CEP83: variants seen among roughly 807,000 people sequenced by gnomAD.
CEP83 encodes centrosomal protein 83.
In CEP83, 70 loss-of-function variants were observed where a neutral mutation model predicts 101.9. That is an observed-to-expected ratio of 0.69 (90% confidence interval 0.57 to 0.84). The LOEUF is 0.84. CEP83 is among the 40% of genes least tolerant of loss of function. CEP83 has a pLI of 0.00. For synonymous variants in CEP83, 264 were observed against 267.9 expected (o/e 0.99, Z 0.14); for missense variants, 715 against 787.2 (o/e 0.91, Z 1.10).
downstream of CEP83, chr12:94,305,416 G>C (rs575788817): frequency 4.8e-5 from 30 of 620,676 alleles, no homozygotes; most frequent in Non-Finnish European, 8.4e-5. Flanking sequence ...GTCTTTTTAA[G>C]AGACCAAGGC....
chr12:94,384,555 C>T (rs1161818741), intron 6 of CEP83, among the ~76,000 whole-genome samples: 1 of 152,132 alleles, frequency 6.6e-6, no homozygotes, highest in African/African-American at 2.4e-5. Flanking sequence ...TATAGTCCTA[C>T]AGGATACTGA....
chr12:94,333,770 C>T, intron 12 of CEP83, 131 bp from the exon 13 acceptor site: 1 of 750,296 alleles, frequency 1.3e-6, no homozygotes, highest in Non-Finnish European at 2.1e-6. Flanking sequence ...GGAGATGACC[C>T]CTAAAGGAAA....
chr12:94,444,348 A>C (rs2066641909), intron 1 of CEP83, among the ~76,000 whole-genome samples: 1 of 152,248 alleles, frequency 6.6e-6, no homozygotes, highest in Non-Finnish European at 1.5e-5. Flanking sequence ...CAGTGAGCCG[A>C]GATCAGGCCA....
intron 11 of CEP83, among the ~76,000 whole-genome samples, chr12:94,343,591 G>A (rs1256156296): frequency 1.4e-5 from 2 of 139,042 alleles, no homozygotes; most frequent in Non-Finnish European, 1.5e-5. Context: ...CCGGGTTCAC[G>A]CCATTCTCCT....
the CEP83 span, among the ~76,000 whole-genome samples, chr12:94,290,609 C>A: frequency 5.3e-5 from 8 of 152,236 alleles, no homozygotes; most frequent in Admixed American, 4.6e-4. Context: ...GTTTGAGGAC[C>A]TCTTGAGGGC....
intron 2 of CEP83, among the ~76,000 whole-genome samples, chr12:94,432,068 T>C (rs1327294605): frequency 6.6e-6 from 1 of 151,970 alleles, no homozygotes; most frequent in Non-Finnish European, 1.5e-5. Flanking sequence ...CTTTTTTTTT[T>C]TTTTGAGACG....
At chr12:94,279,720 GTCCCCCCTCCCTGC>G in the CEP83 span, 19 of 1,314,924 alleles carry the variant, frequency 1.4e-5, no homozygotes, top group Non-Finnish European at 2.0e-5. Flanking sequence ...CTCCCTCCCT[GTCCCCCCTCCCTGC>G]CCCCACCAGC....
At chr12:94,298,675 G>C in the CEP83 span, 2 of 1,609,652 alleles carry the variant, frequency 1.2e-6, 1 homozygote, top group African/African-American at 2.7e-5. Flanking sequence ...AGAAGCATTT[G>C]GAGTTTACCC....
At chr12:94,434,481 G>A (rs574361491) in intron 2 of CEP83, among the ~76,000 whole-genome samples, 1 of 152,210 alleles carries the variant, frequency 6.6e-6, no homozygotes, top group East Asian at 1.9e-4. Flanking sequence ...TAGAAAATAG[G>A]AAAGCTCAAA....
rs144629501 is a variant in CEP83, at chr12:94,340,378, C to T, written c.1344-4714G>A. 8.0e-4 allele frequency among the ~76,000 whole-genome samples: 121 copies of T among 152,196 alleles called. 1 individual carries two copies. In the East Asian group the frequency reaches 0.022, roughly 28 times the overall value. ...GGCTGAGCCAGAGTGCCTGATACCA[C>T]GGTCGCAGTGGTAGGTCCAGGGATG... On this transcript the variant is annotated intron_variant, in intron 11 of 16. Transcript: ENST00000397809.
At chr12:94,272,721 C>A in the CEP83 span, among the ~76,000 whole-genome samples, 1 of 152,232 alleles carries the variant, frequency 6.6e-6, no homozygotes, top group Non-Finnish European at 1.5e-5. Context: ...ACTGGCCACA[C>A]CTGGCAGCAG....
At chr12:94,417,513 G>C (rs2064371709) in intron 2 of CEP83, among the ~76,000 whole-genome samples, 1 of 152,138 alleles carries the variant, frequency 6.6e-6, no homozygotes, top group South Asian at 2.1e-4. Context: ...GGTCGGCCAG[G>C]CACAGTGGCT....
At chr12:94,270,013 C>G in the CEP83 span, among the ~76,000 whole-genome samples, 1 of 152,202 alleles carries the variant, frequency 6.6e-6, no homozygotes. Context: ...ATTTAGTTAT[C>G]TAAATATAAA....
chr12:94,447,140 A>G (rs1348594501), intron 1 of CEP83, among the ~76,000 whole-genome samples: 1 of 152,224 alleles, frequency 6.6e-6, no homozygotes, highest in Non-Finnish European at 1.5e-5. Context: ...ACCAAAGACG[A>G]AGACAAGTCG....
the CEP83 span, among the ~76,000 whole-genome samples, chr12:94,287,302 T>C: frequency 6.6e-6 from 1 of 152,218 alleles, no homozygotes; most frequent in Non-Finnish European, 1.5e-5. Context: ...CTGTGTGCGT[T>C]GACTATGAAG....
downstream of CEP83, chr12:94,307,173 C>T (rs1565880903): frequency 6.6e-6 from 1 of 152,188 alleles, no homozygotes; most frequent in African/African-American, 2.4e-5. Flanking sequence ...GGAGAGTTAC[C>T]TCCTCTTCCA....
At chr12:94,352,090 T>A (rs1217736336) in intron 11 of CEP83, among the ~76,000 whole-genome samples, 1 of 152,140 alleles carries the variant, frequency 6.6e-6, no homozygotes, top group African/African-American at 2.4e-5. Flanking sequence ...AAGAGACAAC[T>A]ATTCTACCAG....
the CEP83 span, among the ~76,000 whole-genome samples, chr12:94,295,229 A>T: frequency 6.6e-6 from 1 of 152,180 alleles, no homozygotes; most frequent in Admixed American, 6.5e-5. Flanking sequence ...TGACTTCTGG[A>T]TTCACTATTA....
chr12:94,378,900 A>T lies in CEP83; in HGVS notation c.692T>A (p.Val231Glu). The change falls in exon 7 of 17, where the codon GTA becomes GAA. Residue 231 changes from valine to glutamate, a missense_variant. Transcript: ENST00000397809. ...CTCCTTTTCAGCCTTTAATTCCGCT[A>T]CTTCAGCCTCTAAACCTTTTAATTT... ...CQKLKGLEAE[V>E]AELKAEKENS... is the part of the protein sequence containing the mutation. The T allele has an allele frequency of 6.2e-7, 1 of 1,614,104 alleles. No individual in the cohort carries two copies. The highest frequency in any genetic ancestry group is 8.5e-7 in the Non-Finnish European group (1 of 1,179,996).
Sources: gnomAD v4.1 joint callset for allele counts (sites outside exome capture counted in the v4.1 genomes callset) on GRCh38, gnomAD v4.1.1 for gene constraint, MANE v1.5 for transcripts, NCBI Gene and HGNC (gene_info 2026-07-23, HGNC 2026-07-21) for gene names.